The following TPPP variants were observed in gnomAD, a reference collection of about 807,000 sequenced individuals.
TPPP encodes the protein tubulin polymerization promoting protein.
TPPP carries 6 observed loss-of-function variants against 15.5 expected under a neutral mutation model. The observed-to-expected ratio is 0.39, with a 90% CI of 0.21 to 0.77. The LOEUF is 0.77. TPPP is among the 30% of genes least tolerant of loss of function. The pLI is 0.42. For synonymous variants in TPPP, 146 were observed against 133.9 expected, an observed-to-expected ratio of 1.09 and a Z score of -0.63; for missense variants, 269 against 307.2, an observed-to-expected ratio of 0.88 and a Z score of 0.93.
rs1188635567 is a variant in TPPP, at chr5:663,238, CAG to C, written c.*1862_*1863del. ...ATCGGGTGATTCCGAACCGCACATT[CAG>C]AGTTGTTTTCAAATGTTTCCGCACG... On this transcript the variant is annotated 3_prime_UTR_variant, in exon 4 of 4. Coordinates refer to ENST00000360578, the MANE Select transcript of TPPP (RefSeq NM_007030.3). The C allele has an allele frequency of 1.3e-5, 2 of 152,144 alleles. No individual in the cohort carries two copies. Among genetic ancestry groups the C allele is most frequent in the Admixed American group, 1.3e-4 (2 of 15,214 alleles). The allele number at this position is 152,144 out of a possible 1,614,324, so 9.4% of individuals were successfully genotyped here.
At chr5:672,544 T>A (rs1415384187) in intron 2 of TPPP, among the ~76,000 whole-genome samples, 2 of 152,190 alleles carry the variant, frequency 1.3e-5, no homozygotes, top group African/African-American at 4.8e-5. Context: ...GATGGACCCA[T>A]AGGGGGCCAG....
intron 2 of TPPP, among the ~76,000 whole-genome samples, chr5:677,373 G>T (rs1740485597): frequency 6.6e-6 from 1 of 152,174 alleles, no homozygotes; most frequent in African/African-American, 2.4e-5. Context: ...CCCACTCCTG[G>T]GGAAGCCCAG....
At chr5:667,715 A>G (rs986159392) in intron 2 of TPPP, among the ~76,000 whole-genome samples, 2 of 151,530 alleles carry the variant, frequency 1.3e-5, no homozygotes, top group African/African-American at 4.9e-5. Flanking sequence ...AAAAAAATCC[A>G]TGTGAAAAGA....
At chr5:694,625 G>T (rs1306404413), upstream of TPPP, among the ~76,000 whole-genome samples, 70 of 74,290 alleles carry the variant, frequency 9.4e-4, no homozygotes, top group African/African-American at 2.3e-3. Context: ...CCCAGAGATG[G>T]GCTTCTGTCT....
At chr5:673,815 T>C (rs1554022118) in intron 2 of TPPP, among the ~76,000 whole-genome samples, 1 of 152,164 alleles carries the variant, frequency 6.6e-6, no homozygotes, top group Non-Finnish European at 1.5e-5. Context: ...CCAGACCAGC[T>C]GGGGCTCCTC....
intron 2 of TPPP, 86 bp downstream of exon 2, chr5:677,664 C>T (rs1024152252): frequency 6.3e-5 from 83 of 1,318,712 alleles, no homozygotes; most frequent in Middle Eastern, 1.9e-4. Context: ...TCCCCATGGC[C>T]CGCTCCCCAC....
chr5:668,157 AC>A (rs1561081881), intron 2 of TPPP, among the ~76,000 whole-genome samples: 1 of 77,394 alleles, frequency 1.3e-5, no homozygotes, highest in Non-Finnish European at 2.7e-5. Context: ...TCAGGGAAGT[AC>A]CGACAAGCAC....
chr5:668,134 C>T (rs1464786970), intron 2 of TPPP, among the ~76,000 whole-genome samples: 2 of 127,670 alleles, frequency 1.6e-5, no homozygotes, highest in Non-Finnish European at 3.2e-5. Context: ...GAGAGGGGTC[C>T]GCGTGGGCCC....
intron 2 of TPPP, among the ~76,000 whole-genome samples, chr5:670,092 TG>T (rs1012421810): frequency 5.9e-5 from 9 of 152,100 alleles, no homozygotes; most frequent in African/African-American, 2.2e-4. Context: ...CCCTGGCCTC[TG>T]GGCCTGGTTC....
intron 2 of TPPP, among the ~76,000 whole-genome samples, chr5:669,843 C>T (rs993396761): frequency 1.4e-4 from 22 of 152,242 alleles, no homozygotes; most frequent in African/African-American, 4.3e-4. Flanking sequence ...TCTAGGACAG[C>T]GGTGCCTGCC....
At chr5:694,406 T>C (rs1207617781), upstream of TPPP, among the ~76,000 whole-genome samples, 1 of 126,430 alleles carries the variant, frequency 7.9e-6, no homozygotes, top group Admixed American at 8.0e-5. Flanking sequence ...GCAGCTGAGC[T>C]CCTCCCCCAG....
At chr5:665,919 G>GGCCCC in intron 3 of TPPP, 51 bp downstream of exon 3, 6 of 344,042 alleles carry the variant, frequency 1.7e-5, no homozygotes, top group Non-Finnish European at 2.4e-5. Flanking sequence ...CACCTTCCAG[G>GGCCCC]CCCCGCCCCC....
At chr5:670,385 G>A (rs1174662648) in intron 2 of TPPP, among the ~76,000 whole-genome samples, 2 of 152,216 alleles carry the variant, frequency 1.3e-5, no homozygotes, top group East Asian at 3.8e-4. Context: ...GGCTGCCACA[G>A]GTGGGAAGCT....
intron 2 of TPPP, among the ~76,000 whole-genome samples, chr5:672,912 G>A (rs534531171): frequency 6.6e-6 from 1 of 152,362 alleles, no homozygotes; most frequent in East Asian, 1.9e-4. Context: ...AAACAAACAA[G>A]CGCTGCCATG....
intron 1 of TPPP, chr5:692,795 A>C (rs1340666915): frequency 3.2e-6 from 3 of 951,422 alleles, no homozygotes; most frequent in Admixed American, 6.3e-5. Context: ...TTCTGTGGCC[A>C]GGGATCTCTC....
In TPPP at chr5:659,899, T is replaced by G. The variant is rs930416170; in HGVS notation, c.*5203A>C. ...CACCTTTATTTGTCACTTTACCAAC[T>G]TGACACACAATGTTAACGACAGCAG... On this transcript the variant is annotated 3_prime_UTR_variant, in exon 4 of 4. Transcript: ENST00000360578. 4 of 152,486 alleles carry G rather than the reference T, an allele frequency of 2.6e-5. No homozygotes were observed. The highest frequency in any genetic ancestry group is 6.5e-5 in the Admixed American group (1 of 15,306). The allele number at this position is 152,486 out of a possible 1,614,324, so 9.4% of individuals were successfully genotyped here.
chr5:699,723 GGGC>G, the TPPP span, among the ~76,000 whole-genome samples: 5,251 of 149,480 alleles, frequency 0.035, no homozygotes, highest in African/African-American at 0.12. Context: ...ATCTGACAAA[GGGC>G]TAATATCCAC....
chr5:682,895 C>T (rs1253067891), intron 1 of TPPP, among the ~76,000 whole-genome samples: 1 of 152,202 alleles, frequency 6.6e-6, no homozygotes, highest in Non-Finnish European at 1.5e-5. Context: ...GAGGCAGGAG[C>T]CATGGAGTCA....
intron 2 of TPPP, among the ~76,000 whole-genome samples, chr5:676,884 A>T (rs1484183294): frequency 1.5e-5 from 2 of 132,604 alleles, no homozygotes; most frequent in Non-Finnish European, 3.0e-5. Context: ...ACATGCACAC[A>T]CGACGCAGAA....
Sources: gnomAD v4.1 joint callset for allele counts (sites outside exome capture counted in the v4.1 genomes callset) on GRCh38, gnomAD v4.1.1 for gene constraint, MANE v1.5 for transcripts, NCBI Gene and HGNC (gene_info 2026-07-23, HGNC 2026-07-21) for gene names.